The following TRAK2 variants were observed in gnomAD, a reference collection of about 807,000 sequenced individuals.
TRAK2 encodes trafficking kinesin protein 2, also known as trafficking kinesin-binding protein 2.
TRAK2 carries 81 observed loss-of-function variants against 104.6 expected under a neutral mutation model. The ratio of observed to expected loss-of-function variants is 0.77; its 90% CI spans 0.65 to 0.93. The LOEUF (loss-of-function observed/expected upper bound fraction) is 0.93. Ranked by LOEUF, TRAK2 falls within the 40% of genes least tolerant of loss-of-function variation. The pLI, the probability that TRAK2 is intolerant of heterozygous loss-of-function variation, is 0.00. For missense variants in TRAK2, 1,002 were observed against 1,089.0 expected, an observed-to-expected ratio of 0.92 and a Z score of 1.12; for synonymous variants, 406 against 394.4, an observed-to-expected ratio of 1.03 and a Z score of -0.35.
rs2125645806 is a variant in TRAK2, at chr2:201,398,013, C to G, written c.690+132G>C. On this transcript the variant is annotated intron_variant, in intron 6 of 15. Transcript: ENST00000332624. Reference sequence around the variant, plus strand: ...AGTGGAAGGCAAGAAAAATACAGCTCCTTGTCCACGACTCTCTAATTGGAA... The same window carrying G: ...AGTGGAAGGCAAGAAAAATACAGCTGCTTGTCCACGACTCTCTAATTGGAA... 3.6e-6 allele frequency: 3 copies of G among 838,048 alleles called. No homozygotes were observed. In the East Asian group the frequency reaches 7.4e-5, roughly 21 times the overall value. The allele number at this position is 838,048 out of a possible 1,614,324, so 51.9% of individuals were successfully genotyped here. A position where few individuals can be genotyped will look rare whatever the true frequency, so the allele number is the denominator to read the frequency against.
intron 2 of TRAK2, among the ~76,000 whole-genome samples, chr2:201,408,111 G>C (rs745517404): frequency 7.2e-5 from 11 of 151,996 alleles, no homozygotes; most frequent in East Asian, 1.9e-4. Flanking sequence ...CTGTAATTTT[G>C]TATCTGTTAA....
intron 14 of TRAK2, among the ~76,000 whole-genome samples, chr2:201,385,857 C>T (rs1034310599): frequency 2.0e-5 from 3 of 152,136 alleles, no homozygotes; most frequent in Admixed American, 6.5e-5. Context: ...TGAGTTAATA[C>T]ATATTTTTAT....
rs181357840 is a variant in TRAK2 at position 201,377,445 on chromosome 2, C to T, written c.*3098G>A. 1 of 152,332 alleles carries T rather than the reference C, an allele frequency of 6.6e-6. No homozygotes were observed. The highest frequency in any genetic ancestry group is 1.9e-4 in the East Asian group (1 of 5,188). The allele number at this position is 152,332 out of a possible 1,614,324, so 9.4% of individuals were successfully genotyped here. On this transcript the variant is annotated 3_prime_UTR_variant, in exon 16 of 16. Coordinates refer to ENST00000332624, the MANE Select transcript of TRAK2 (RefSeq NM_015049.3). ...GGAGTACAGGTCTGCATGCATCTGA[C>T]ATCAGAGAAGTGGCCCACTAAACAC... is the stretch of plus-strand genomic sequence containing the variant.
Position 201,384,177 on chromosome 2 carries a change from T to C in TRAK2, c.2003A>G (p.Asn668Ser), listed in dbSNP as rs1363876020. Reference protein sequence around the residue: ...ANPGKCLSCTNSTFTFTTCRI... With the variant: ...ANPGKCLSCTSSTFTFTTCRI... ...ACAGGTGGTGAAAGTGAATGTTGAG[T>C]TTGTGCACGACAGGCACTTTCCTGG... The change falls in exon 15 of 16, where the codon AAC becomes AGC. Residue 668 changes from asparagine (N) to serine (S), a missense_variant. By Grantham distance (46) the Asn-to-Ser change is conservative. Coordinates refer to ENST00000332624, the MANE Select transcript of TRAK2 (RefSeq NM_015049.3). 6.2e-7 allele frequency: 1 copy of C among 1,613,500 alleles called. No individual in the cohort carries two copies. Among genetic ancestry groups the C allele is most frequent in the Admixed American group, 1.7e-5 (1 of 59,950 alleles).
intron 2 of TRAK2, among the ~76,000 whole-genome samples, chr2:201,408,549 G>A (rs960997123): frequency 1.3e-5 from 2 of 152,088 alleles, no homozygotes; most frequent in African/African-American, 4.8e-5. Context: ...TTCAGAATTT[G>A]TAGAAATTTC....
chr2:201,441,849 G>T (rs1364260406), intron 1 of TRAK2, among the ~76,000 whole-genome samples: 1 of 151,360 alleles, frequency 6.6e-6, no homozygotes, highest in Non-Finnish European at 1.5e-5. Flanking sequence ...GCTCCACCAC[G>T]CCCAGCTAAT....
chr2:201,390,479 A>G (rs2349083), intron 10 of TRAK2, among the ~76,000 whole-genome samples: 96,983 of 145,850 alleles, frequency 0.66, 32,661 homozygotes, highest in South Asian at 0.88. Flanking sequence ...CAGGAGAATG[A>G]CGTGAACCCG....
At chr2:201,404,359 T>A (rs913522435) in intron 3 of TRAK2, among the ~76,000 whole-genome samples, 13 of 152,164 alleles carry the variant, frequency 8.5e-5, no homozygotes, top group Non-Finnish European at 1.5e-4. Context: ...CCTAACTCTC[T>A]AAAAAAGTAT....
At chr2:201,440,691 C>T (rs1951913946) in intron 1 of TRAK2, among the ~76,000 whole-genome samples, 1 of 152,196 alleles carries the variant, frequency 6.6e-6, no homozygotes, top group Non-Finnish European at 1.5e-5. Context: ...GAAATCTTAA[C>T]ATCCCTCACT....
intron 12 of TRAK2, among the ~76,000 whole-genome samples, chr2:201,388,943 G>C (rs554550991): frequency 5.5e-4 from 84 of 151,610 alleles, no homozygotes; most frequent in African/African-American, 1.9e-3. Flanking sequence ...TTAATAAAAG[G>C]AATGAAAAAA....
At chr2:201,403,070 T>C (rs1309330671) in intron 3 of TRAK2, among the ~76,000 whole-genome samples, 3 of 12,900 alleles carry the variant, frequency 2.3e-4, no homozygotes, top group Non-Finnish European at 8.1e-4. Context: ...ACCAGTAAGT[T>C]AAGGATATAA....
Position 201,387,797 on chromosome 2 carries a change from G to C in TRAK2, c.1602C>G (p.Leu534=). 6.2e-7 allele frequency: 1 copy of C among 1,614,156 alleles called. No individual in the cohort carries two copies. Among genetic ancestry groups the C allele is most frequent in the East Asian group, 2.2e-5 (1 of 44,880 alleles). The change falls in exon 13 of 16, where the codon CTC becomes CTG. Residue 534 remains leucine (L), a synonymous_variant. Transcript: ENST00000332624. ...CVTPTESLAS[L]CTTQSEITDL... ...CTGTGATCTCTGACTGGGTGGTGCA[G>C]AGAGAGGCAAGGCTCTCTGTCGGGG...
chr2:201,412,199 T>A, intron 2 of TRAK2: 1 of 973,006 alleles, frequency 1.0e-6, no homozygotes, highest in East Asian at 2.4e-5. Context: ...TGAAGTCAAA[T>A]CAAAATTCTC....
At chr2:201,391,081 C>T (rs571296411) in intron 10 of TRAK2, among the ~76,000 whole-genome samples, 122 of 152,226 alleles carry the variant, frequency 8.0e-4, no homozygotes, top group African/African-American at 2.8e-3. Flanking sequence ...TAGTAGCAAT[C>T]AATGGGCACA....
chr2:201,412,489 T>C (rs1048704020), intron 2 of TRAK2: 44 of 1,160,098 alleles, frequency 3.8e-5, no homozygotes, highest in Middle Eastern at 2.0e-4. Context: ...GAAACTCTTA[T>C]AAATGTCTTG....
At chr2:201,419,623 T>C (rs1197243996) in intron 2 of TRAK2, among the ~76,000 whole-genome samples, 3 of 152,316 alleles carry the variant, frequency 2.0e-5, no homozygotes, top group East Asian at 1.9e-4. Context: ...CTCTAACTTG[T>C]TTGTACTGGT....
chr2:201,445,085 T>C (rs539502380), intron 1 of TRAK2, among the ~76,000 whole-genome samples: 12 of 152,198 alleles, frequency 7.9e-5, no homozygotes, highest in Non-Finnish European at 1.5e-4. Context: ...CTTTACAAAA[T>C]GAATTCGTTC....
chr2:201,408,950 G>T (rs1485524632), intron 2 of TRAK2, among the ~76,000 whole-genome samples: 1 of 152,128 alleles, frequency 6.6e-6, no homozygotes, highest in Non-Finnish European at 1.5e-5. Context: ...TTTTAAAGAA[G>T]TGGTACATCT....
intron 3 of TRAK2, among the ~76,000 whole-genome samples, chr2:201,405,938 C>T (rs906355165): frequency 7.2e-5 from 11 of 152,106 alleles, no homozygotes; most frequent in East Asian, 1.9e-4. Flanking sequence ...GAGGCGAGAT[C>T]GTGCCACTAT....
Sources: gnomAD v4.1 joint callset for allele counts (sites outside exome capture counted in the v4.1 genomes callset) on GRCh38, gnomAD v4.1.1 for gene constraint, MANE v1.5 for transcripts, NCBI Gene and HGNC (gene_info 2026-07-23, HGNC 2026-07-21) for gene names.